The following PRKG1 variants were observed in gnomAD, a reference collection of about 807,000 sequenced individuals.
PRKG1 encodes the protein cGMP-dependent protein kinase 1.
In PRKG1, 35 loss-of-function variants were observed where a neutral mutation model predicts 88.1. The ratio of observed to expected loss-of-function variants is 0.40; its 90% CI spans 0.30 to 0.53. The LOEUF is 0.53. Ranked by LOEUF, PRKG1 falls within the 20% of genes least tolerant of loss-of-function variation. The probability of loss-of-function intolerance (pLI) is 0.59; values close to 1 mark genes in which losing one functional copy is unlikely to be tolerated. For synonymous variants in PRKG1, 303 were observed against 292.5 expected, an observed-to-expected ratio of 1.04 and a Z score of -0.37; for missense variants, 540 against 839.8, an observed-to-expected ratio of 0.64 and a Z score of 4.41.
chr10:51,249,041 G>T (rs1839362868), intron 2 of PRKG1, among the ~76,000 whole-genome samples: 1 of 151,674 alleles, frequency 6.6e-6, no homozygotes, highest in African/African-American at 2.4e-5. Context: ...GCAATATAAG[G>T]TTTAATGCAA....
At chr10:51,715,881 C>A (rs553856285) in intron 3 of PRKG1, among the ~76,000 whole-genome samples, 1 of 152,302 alleles carries the variant, frequency 6.6e-6, no homozygotes, top group Middle Eastern at 3.4e-3. Context: ...ATTGTGTGAA[C>A]TTTACTTTCC....
intron 1 of PRKG1, among the ~76,000 whole-genome samples, chr10:51,012,516 G>A (rs1335120984): frequency 6.6e-6 from 1 of 152,114 alleles, no homozygotes; most frequent in Non-Finnish European, 1.5e-5. Context: ...AACCACCCAT[G>A]GGCATACAAT....
chr10:51,824,697 G>T (rs138132185), intron 4 of PRKG1, among the ~76,000 whole-genome samples: 7 of 152,258 alleles, frequency 4.6e-5, no homozygotes, highest in African/African-American at 1.7e-4. Flanking sequence ...GAAGGTGAAG[G>T]GGGAGCAGGT....
chr10:51,647,055 G>C, intron 3 of PRKG1, among the ~76,000 whole-genome samples: 1 of 151,264 alleles, frequency 6.6e-6, no homozygotes, highest in East Asian at 1.9e-4. Flanking sequence ...TTTTTTTAAA[G>C]TGGTCTTCCA....
At chr10:51,843,093 C>CT (rs1167219822) in intron 4 of PRKG1, among the ~76,000 whole-genome samples, 2,815 of 87,768 alleles carry the variant, frequency 0.032, 52 homozygotes, top group African/African-American at 0.046. Flanking sequence ...GAAAATTATT[C>CT]TTTTTTTTTT....
chr10:52,085,965 A>G (rs1846902891), intron 7 of PRKG1, among the ~76,000 whole-genome samples: 1 of 152,120 alleles, frequency 6.6e-6, no homozygotes. Flanking sequence ...CCTTTACATG[A>G]GATTCTACAG....
rs138037720 is a variant in PRKG1 at position 51,019,627 on chromosome 10, A to G, written c.266+27983A>G. Among the ~76,000 whole-genome samples the G allele has an allele frequency of 3.6e-3, 548 of 152,056 alleles. 4 individuals are homozygous for G. The highest frequency in any genetic ancestry group is 0.012 in the African/African-American group (515 of 41,516). ...GATGACACAAAATAGGCAACAAAAG[A>G]AAAAAAATAGACAAATTGGACTTCA... is the stretch of plus-strand genomic sequence containing the variant. On this transcript the variant is annotated intron_variant, in intron 1 of 17. Coordinates refer to the PRKG1 transcript ENST00000401604.
At chr10:51,889,392 T>C (rs1246063165) in intron 4 of PRKG1, among the ~76,000 whole-genome samples, 1 of 152,108 alleles carries the variant, frequency 6.6e-6, no homozygotes, top group African/African-American at 2.4e-5. Flanking sequence ...CATGAACTTA[T>C]ACTTTTTTAT....
chr10:51,351,836 G>A (rs561375381), intron 2 of PRKG1, among the ~76,000 whole-genome samples: 1 of 152,232 alleles, frequency 6.6e-6, no homozygotes, highest in South Asian at 2.1e-4. Context: ...GTCCTGAATG[G>A]TATTGCCTAA....
At chr10:51,050,333 C>G (rs1843545478) in intron 1 of PRKG1, among the ~76,000 whole-genome samples, 1 of 152,030 alleles carries the variant, frequency 6.6e-6, no homozygotes, top group Non-Finnish European at 1.5e-5. Context: ...TCCCCTCCCC[C>G]AACCCCTGGC....
At chr10:52,104,074 C>T (rs967631527) in intron 7 of PRKG1, among the ~76,000 whole-genome samples, 7 of 148,990 alleles carry the variant, frequency 4.7e-5, no homozygotes, top group South Asian at 4.2e-4. Context: ...GAATTAATTA[C>T]ATTTAAAATT....
intron 1 of PRKG1, among the ~76,000 whole-genome samples, chr10:51,111,043 T>A (rs1369195759): frequency 6.6e-6 from 1 of 152,138 alleles, no homozygotes; most frequent in South Asian, 2.1e-4. Flanking sequence ...TGCAGATAGA[T>A]GAAGCTGTGT....
intron 3 of PRKG1, among the ~76,000 whole-genome samples, chr10:51,481,544 C>T (rs552196568): frequency 3.9e-5 from 6 of 152,152 alleles, no homozygotes; most frequent in South Asian, 2.1e-4. Flanking sequence ...CCACCATGCC[C>T]GGCCAGACTC....
chr10:51,479,471 G>A (rs776215814), intron 3 of PRKG1, among the ~76,000 whole-genome samples: 5 of 151,734 alleles, frequency 3.3e-5, no homozygotes, highest in Non-Finnish European at 7.4e-5. Context: ...TTTTTCTTAA[G>A]GTTTTATTTT....
chr10:51,708,198 G>T (rs1242384098), intron 3 of PRKG1, among the ~76,000 whole-genome samples: 1 of 152,128 alleles, frequency 6.6e-6, no homozygotes, highest in African/African-American at 2.4e-5. Context: ...GCTTGCAAAT[G>T]GCTGCCTCCT....
At chr10:52,166,821 ATATATATG>A (rs1564498497) in intron 9 of PRKG1, among the ~76,000 whole-genome samples, 92 of 2,304 alleles carry the variant, frequency 0.04, no homozygotes, top group East Asian at 0.25. Flanking sequence ...ATATATATGT[ATATATATG>A]TATATATATG....
intron 8 of PRKG1, among the ~76,000 whole-genome samples, chr10:52,136,210 T>G (rs1486466029): frequency 1.3e-5 from 2 of 151,930 alleles, no homozygotes; most frequent in East Asian, 3.9e-4. Flanking sequence ...ATCCAGGAAG[T>G]TGGAGCAAAT....
At chr10:51,623,336 G>A (rs575488805) in intron 3 of PRKG1, among the ~76,000 whole-genome samples, 2 of 152,288 alleles carry the variant, frequency 1.3e-5, no homozygotes, top group Admixed American at 1.3e-4. Flanking sequence ...AAGTAGCTGG[G>A]ACCACAGGCA....
intron 1 of PRKG1, among the ~76,000 whole-genome samples, chr10:51,090,966 T>A (rs1016512753): frequency 2.6e-5 from 4 of 152,202 alleles, no homozygotes; most frequent in African/African-American, 9.6e-5. Context: ...TAGAACATAA[T>A]CTTAGCTTAT....
Sources: allele counts gnomAD v4.1 joint callset (sites outside exome capture counted in the v4.1 genomes callset), GRCh38; gene constraint gnomAD v4.1.1; transcripts MANE v1.5; gene names NCBI Gene and HGNC (gene_info 2026-07-23, HGNC 2026-07-21).